B3GALT1: variants seen among roughly 807,000 people sequenced by gnomAD.
The protein encoded by B3GALT1 is UDP-Gal:betaGlcNAc beta 1,3-galactosyltransferase, polypeptide 1.
In B3GALT1, 10 loss-of-function variants were observed where a neutral mutation model predicts 23.2. That is an observed-to-expected ratio of 0.43 (90% confidence interval 0.27 to 0.73). B3GALT1 has a LOEUF of 0.73. Ranked by LOEUF, B3GALT1 falls within the 30% of genes least tolerant of loss-of-function variation. B3GALT1 has a pLI of 0.21. For synonymous variants in B3GALT1, 156 were observed against 141.5 expected, an observed-to-expected ratio of 1.10 and a Z score of -0.73; for missense variants, 299 against 405.4, an observed-to-expected ratio of 0.74 and a Z score of 2.25.
intron 2 of B3GALT1, among the ~76,000 whole-genome samples, chr2:167,491,708 G>A (rs913053811): frequency 4.6e-5 from 7 of 151,686 alleles, no homozygotes; most frequent in African/African-American, 1.5e-4. Flanking sequence ...TCAGCTACTC[G>A]GGAGGCTGAG....
chr2:167,320,543 C>G (rs1014442063), intron 1 of B3GALT1, among the ~76,000 whole-genome samples: 4 of 151,978 alleles, frequency 2.6e-5, no homozygotes, highest in Non-Finnish European at 5.9e-5. Flanking sequence ...CTTCTAGATT[C>G]ATTGTAGAGC....
intron 3 of B3GALT1, among the ~76,000 whole-genome samples, chr2:167,753,678 T>G (rs1055172756): frequency 9.9e-5 from 15 of 152,210 alleles, no homozygotes; most frequent in African/African-American, 3.6e-4. Flanking sequence ...ACTTTTCTCA[T>G]TGTTTTAATT....
chr2:167,510,152 C>A (rs1699983611), intron 2 of B3GALT1, among the ~76,000 whole-genome samples: 1 of 152,102 alleles, frequency 6.6e-6, no homozygotes, highest in African/African-American at 2.4e-5. Flanking sequence ...AGTAGTCAGA[C>A]ACGAGCCAAG....
At chr2:167,569,996 A>G (rs999037422) in intron 2 of B3GALT1, among the ~76,000 whole-genome samples, 1 of 151,950 alleles carries the variant, frequency 6.6e-6, no homozygotes, top group East Asian at 1.9e-4. Context: ...ATTTTGAACC[A>G]GGCTTGCATA....
intron 2 of B3GALT1, among the ~76,000 whole-genome samples, chr2:167,639,377 G>T (rs1049368527): frequency 6.6e-6 from 1 of 151,864 alleles, no homozygotes; most frequent in African/African-American, 2.4e-5. Flanking sequence ...TAATGAGTTT[G>T]TATTCTTAAT....
At chr2:167,320,198 T>C (rs1696787904) in intron 1 of B3GALT1, among the ~76,000 whole-genome samples, 1 of 151,786 alleles carries the variant, frequency 6.6e-6, no homozygotes, top group Non-Finnish European at 1.5e-5. Context: ...TCCTTTTTTT[T>C]TTTTTTCCTG....
intron 1 of B3GALT1, among the ~76,000 whole-genome samples, chr2:167,370,034 A>C (rs1697657501): frequency 6.6e-6 from 1 of 152,194 alleles, no homozygotes; most frequent in African/African-American, 2.4e-5. Context: ...GTTTGTTTCT[A>C]ATGGAAGCAG....
At chr2:167,577,512 G>A (rs952356452) in intron 2 of B3GALT1, among the ~76,000 whole-genome samples, 1 of 151,796 alleles carries the variant, frequency 6.6e-6, no homozygotes, top group Non-Finnish European at 1.5e-5. Flanking sequence ...ATATGTTTAA[G>A]AATGATAGAC....
At chr2:167,431,301 G>A (rs1249227182) in intron 1 of B3GALT1, among the ~76,000 whole-genome samples, 1 of 152,138 alleles carries the variant, frequency 6.6e-6, no homozygotes, top group Non-Finnish European at 1.5e-5. Flanking sequence ...AATAATTTTA[G>A]CCTGGCAAAA....
At chr2:167,808,641 G>C (rs1322251215) in intron 3 of B3GALT1, among the ~76,000 whole-genome samples, 1 of 151,508 alleles carries the variant, frequency 6.6e-6, no homozygotes, top group African/African-American at 2.4e-5. Context: ...TAGAGTTTCT[G>C]CAGAGATATC....
At chr2:167,392,385 A>G (rs1224120813) in intron 1 of B3GALT1, among the ~76,000 whole-genome samples, 4 of 152,034 alleles carry the variant, frequency 2.6e-5, no homozygotes, top group African/African-American at 9.7e-5. Flanking sequence ...TCTTTTATCA[A>G]TCTTATTTTT....
chr2:167,868,491 A>T (rs913480767), intron 4 of B3GALT1, among the ~76,000 whole-genome samples: 2 of 70,564 alleles, frequency 2.8e-5, no homozygotes, highest in African/African-American at 1.4e-4. Flanking sequence ...GTCACTGTTA[A>T]AAAAAAAAAA....
At chr2:167,428,234 G>T (rs1029813864) in intron 1 of B3GALT1, among the ~76,000 whole-genome samples, 1 of 152,196 alleles carries the variant, frequency 6.6e-6, no homozygotes, top group Non-Finnish European at 1.5e-5. Context: ...TTACCTAACT[G>T]TGAGAGGTAG....
At chr2:167,433,634 C>A (rs202027272) in intron 1 of B3GALT1, among the ~76,000 whole-genome samples, 2 of 152,128 alleles carry the variant, frequency 1.3e-5, no homozygotes, top group South Asian at 2.1e-4. Context: ...AAAAACTACA[C>A]AACAGAAAAT....
At chr2:167,661,984 TAGAAATGTGAAGAAACTTCCA>T (rs1686067795) in intron 3 of B3GALT1, among the ~76,000 whole-genome samples, 3 of 151,920 alleles carry the variant, frequency 2.0e-5, no homozygotes, top group Admixed American at 6.6e-5. Flanking sequence ...ATAAAACCTT[TAGAAATGTGAAGAAACTTCCA>T]AAAGAATACA....
chr2:167,364,089 A>G (rs1227011685), intron 1 of B3GALT1, among the ~76,000 whole-genome samples: 2 of 144,222 alleles, frequency 1.4e-5, no homozygotes, highest in African/African-American at 5.1e-5. Flanking sequence ...GCTTGAACCC[A>G]GGAGATGGAG....
intron 1 of B3GALT1, among the ~76,000 whole-genome samples, chr2:167,474,940 A>G (rs1411512443): frequency 6.6e-6 from 1 of 152,178 alleles, no homozygotes. Context: ...TTGTCTCCTC[A>G]TAATAATAAA....
chr2:167,577,492 G>A (rs1394135875), intron 2 of B3GALT1, among the ~76,000 whole-genome samples: 1 of 151,784 alleles, frequency 6.6e-6, no homozygotes, highest in African/African-American at 2.4e-5. Flanking sequence ...GGATAGAGTA[G>A]CAGAATGATA....
chr2:167,539,231 G>A (rs1242196758), intron 2 of B3GALT1, among the ~76,000 whole-genome samples: 1 of 151,724 alleles, frequency 6.6e-6, no homozygotes, highest in Non-Finnish European at 1.5e-5. Context: ...AAGAGCTTTA[G>A]CAGAAAATAG....
Sources: gnomAD v4.1 joint callset for allele counts (sites outside exome capture counted in the v4.1 genomes callset) on GRCh38, gnomAD v4.1.1 for gene constraint, MANE v1.5 for transcripts, NCBI Gene and HGNC (gene_info 2026-07-23, HGNC 2026-07-21) for gene names.